SH3GL2: variants seen among roughly 807,000 people sequenced by gnomAD.
SH3GL2 encodes the protein SH3 domain containing GRB2 like 2, endophilin A1.
SH3GL2 carries 24 observed loss-of-function variants against 46.0 expected under a neutral mutation model. The observed-to-expected ratio is 0.52, with a 90% CI of 0.38 to 0.73. SH3GL2 has a LOEUF of 0.73. SH3GL2 is among the 30% of genes least tolerant of loss of function. The pLI is 0.00. For missense variants in SH3GL2, 413 were observed against 424.2 expected (o/e 0.97, Z 0.23); for synonymous variants, 196 against 147.1 (o/e 1.33, Z -2.40).
Position 17,734,892 on chromosome 9 carries a change from A to G in SH3GL2, c.46-12174A>G, listed in dbSNP as rs4961590. On this transcript the variant is annotated intron_variant, in intron 1 of 8. Transcript: ENST00000380607. ...AATATTTGAGTATGGTGATGATTAC[A>G]TAACTCTGTAAATACACTAAAAATC... Among the ~76,000 whole-genome samples the G allele has an allele frequency of 5.7e-3, 860 of 152,096 alleles. 7 individuals are homozygous for G. Among genetic ancestry groups the G allele is most frequent in the African/African-American group, 0.02 (817 of 41,540 alleles).
chr9:17,740,021 C>G (rs1244031548), intron 1 of SH3GL2, among the ~76,000 whole-genome samples: 1 of 152,076 alleles, frequency 6.6e-6, no homozygotes, highest in Non-Finnish European at 1.5e-5. Flanking sequence ...AAGTTTTTAG[C>G]TCTAGATATT....
At chr9:17,760,326 T>A (rs973106438) in intron 2 of SH3GL2, among the ~76,000 whole-genome samples, 2 of 152,146 alleles carry the variant, frequency 1.3e-5, no homozygotes, top group Non-Finnish European at 2.9e-5. Context: ...TGAAAAATTA[T>A]TAAGTATTGA....
At chr9:17,743,583 C>T (rs946733180) in intron 1 of SH3GL2, among the ~76,000 whole-genome samples, 3 of 151,472 alleles carry the variant, frequency 2.0e-5, no homozygotes, top group Non-Finnish European at 2.9e-5. Context: ...CACACACACA[C>T]ACACACACAC....
intron 1 of SH3GL2, among the ~76,000 whole-genome samples, chr9:17,613,478 C>T (rs927633420): frequency 1.3e-5 from 2 of 152,170 alleles, no homozygotes; most frequent in African/African-American, 4.8e-5. Context: ...GTCCCTCCCC[C>T]AAGCAGTCTG....
chr9:17,756,480 C>T (rs1313989629), intron 2 of SH3GL2, among the ~76,000 whole-genome samples: 1 of 121,888 alleles, frequency 8.2e-6, no homozygotes, highest in Non-Finnish European at 1.7e-5. Flanking sequence ...CCCCCCTCCC[C>T]CCACCCCACG....
intron 1 of SH3GL2, among the ~76,000 whole-genome samples, chr9:17,584,207 A>G (rs1056451592): frequency 9.9e-5 from 15 of 152,146 alleles, no homozygotes; most frequent in African/African-American, 3.6e-4. Context: ...TCCCCTCGAA[A>G]AGTAAAAATA....
intron 1 of SH3GL2, among the ~76,000 whole-genome samples, chr9:17,709,660 A>G (rs1821565793): frequency 7.0e-6 from 1 of 143,540 alleles, no homozygotes; most frequent in African/African-American, 2.6e-5. Flanking sequence ...GTGTGTATAT[A>G]TAGTTTAACT....
At chr9:17,731,263 G>A (rs148311718) in intron 1 of SH3GL2, among the ~76,000 whole-genome samples, 3 of 152,098 alleles carry the variant, frequency 2.0e-5, no homozygotes, top group East Asian at 1.9e-4. Context: ...CCAAATATAC[G>A]TTGAAGCCCT....
At chr9:17,693,103 A>G (rs1030269903) in intron 1 of SH3GL2, among the ~76,000 whole-genome samples, 5 of 152,184 alleles carry the variant, frequency 3.3e-5, no homozygotes, top group African/African-American at 1.2e-4. Flanking sequence ...TTTTTTAGCC[A>G]TGCCACTGTA....
chr9:17,648,196 C>T (rs1313290733), intron 1 of SH3GL2, among the ~76,000 whole-genome samples: 3 of 152,226 alleles, frequency 2.0e-5, no homozygotes, highest in Non-Finnish European at 4.4e-5. Flanking sequence ...TGTGGATTTT[C>T]AACTACACAA....
chr9:17,686,845 C>T (rs968284739), intron 1 of SH3GL2, among the ~76,000 whole-genome samples: 35 of 148,064 alleles, frequency 2.4e-4, no homozygotes, highest in African/African-American at 7.5e-4. Context: ...TGCTAGATGA[C>T]GAGTTAGTGG....
chr9:17,642,646 A>G (rs968817052), intron 1 of SH3GL2, among the ~76,000 whole-genome samples: 4 of 152,164 alleles, frequency 2.6e-5, no homozygotes, highest in African/African-American at 9.7e-5. Context: ...CAGGTTTGTC[A>G]AAGATCAGAT....
chr9:17,629,014 A>G (rs1034893148), intron 1 of SH3GL2, among the ~76,000 whole-genome samples: 2 of 151,786 alleles, frequency 1.3e-5, no homozygotes, highest in African/African-American at 4.8e-5. Context: ...TCTGTCTGTC[A>G]AACAGAAGGA....
At chr9:17,699,342 C>T (rs1588252698) in intron 1 of SH3GL2, among the ~76,000 whole-genome samples, 1 of 152,188 alleles carries the variant, frequency 6.6e-6, no homozygotes, top group African/African-American at 2.4e-5. Context: ...AGGAAACAAG[C>T]AGTCACAGCT....
At chr9:17,785,044 A>T (rs138050535) in intron 3 of SH3GL2, among the ~76,000 whole-genome samples, 2 of 152,282 alleles carry the variant, frequency 1.3e-5, no homozygotes, top group African/African-American at 4.8e-5. Flanking sequence ...TTAACATATG[A>T]TCCCTTTTAT....
At chr9:17,726,395 A>G (rs1822020705) in intron 1 of SH3GL2, among the ~76,000 whole-genome samples, 1 of 152,166 alleles carries the variant, frequency 6.6e-6, no homozygotes, top group African/African-American at 2.4e-5. Flanking sequence ...GTCTGAATGA[A>G]TGAATAGATA....
intron 1 of SH3GL2, among the ~76,000 whole-genome samples, chr9:17,708,582 A>C (rs1821536187): frequency 6.6e-6 from 1 of 152,018 alleles, no homozygotes; most frequent in South Asian, 2.1e-4. Context: ...TTTATTTATA[A>C]ACTAAATGTT....
chr9:17,782,357 A>C lies in SH3GL2; in HGVS notation c.188-4024A>C, dbSNP rs183313486. Among the ~76,000 whole-genome samples the C allele has an allele frequency of 1.6e-3, 242 of 152,254 alleles. 1 individual carries two copies. The highest frequency in any genetic ancestry group is 5.8e-3 in the African/African-American group (239 of 41,558). On this transcript the variant is annotated intron_variant, in intron 3 of 8. Coordinates refer to ENST00000380607, the MANE Select transcript of SH3GL2 (RefSeq NM_003026.5). The stretch of plus-strand genomic sequence containing the variant: ...CGTGATCACTTTTTGTCATCCTCAC[A>C]TAGAGCAGATTTTCATGGCATAATT...
intron 7 of SH3GL2, 116 bp from the exon 8 acceptor site, chr9:17,793,251 C>G (rs749440008): frequency 2.2e-6 from 2 of 912,072 alleles, no homozygotes; most frequent in Non-Finnish European, 3.3e-6. Context: ...ATTTCCCACA[C>G]TTCATCATGG....
Sources: gnomAD v4.1 joint callset for allele counts (sites outside exome capture counted in the v4.1 genomes callset) on GRCh38, gnomAD v4.1.1 for gene constraint, MANE v1.5 for transcripts, NCBI Gene and HGNC (gene_info 2026-07-23, HGNC 2026-07-21) for gene names.